The following MYO3A variants were observed in gnomAD, a reference collection of about 807,000 sequenced individuals.
The protein encoded by MYO3A is myosin IIIA.
Under a neutral mutation model 192.7 loss-of-function variants are expected in MYO3A, and 180 were observed. The ratio of observed to expected loss-of-function variants is 0.93; its 90% CI spans 0.83 to 1.06. The LOEUF is 1.06. Among genes scored for constraint, MYO3A ranks in the 50% least tolerant of loss-of-function variants. The pLI is 0.00. For missense variants in MYO3A, 1,896 were observed against 1,905.0 expected (o/e 1.00, Z 0.09); for synonymous variants, 628 against 645.3 (o/e 0.97, Z 0.41).
chr10:26,171,511 G>C (rs766072708), intron 29 of MYO3A, among the ~76,000 whole-genome samples: 2 of 152,240 alleles, frequency 1.3e-5, no homozygotes, highest in Middle Eastern at 6.8e-3. Flanking sequence ...CACATTCCCT[G>C]AATCCCTCAG....
At chr10:26,124,108 G>C (rs558104181) in intron 18 of MYO3A, among the ~76,000 whole-genome samples, 31 of 148,852 alleles carry the variant, frequency 2.1e-4, no homozygotes, top group African/African-American at 7.7e-4. Context: ...AGGATCTCTT[G>C]AGCCCAGGAG....
chr10:26,022,739 G>A (rs1042828038), intron 8 of MYO3A: 1 of 151,998 alleles, frequency 6.6e-6, no homozygotes, highest in African/African-American at 2.4e-5. Flanking sequence ...TGCCTTAGCT[G>A]TTTTAACTGT....
chr10:26,047,275 T>C (rs1349334946), intron 10 of MYO3A, among the ~76,000 whole-genome samples: 1 of 151,982 alleles, frequency 6.6e-6, no homozygotes, highest in Non-Finnish European at 1.5e-5. Context: ...TACTGAAAAA[T>C]TCTGAGTATA....
At position 26,174,374 on chromosome 10, in the gene MYO3A, G is replaced by T. The variant is rs569109177; in HGVS notation, c.4110G>T (p.Lys1370Asn). The part of the protein sequence containing the change: ...YKRRQQLRKD[K>N]MSSFKHQRIV... ...GAAGGCAGCAGTTGAGGAAGGACAA[G>T]ATGTCTTCTTTTAAGCATCAGAGGA... is the stretch of plus-strand genomic sequence containing the variant. Residue 1370 changes from lysine to asparagine, a missense_variant, in exon 30 of 35, where the codon AAG becomes AAT. By Grantham distance (94) the Lys-to-Asn change is moderately conservative. Transcript: ENST00000642920. 6.2e-7 allele frequency: 1 copy of T among 1,614,170 alleles called. No homozygotes were observed. The highest frequency in any genetic ancestry group is 1.6e-4 in the Middle Eastern group (1 of 6,062).
In MYO3A at chr10:26,062,479, T is replaced by G. The variant is rs575628465; in HGVS notation, c.954-4496T>G. Among the ~76,000 whole-genome samples, 192 of 111,290 alleles carry G rather than the reference T, an allele frequency of 1.7e-3. 1 individual carries two copies. Among genetic ancestry groups the G allele is most frequent in the African/African-American group, 5.9e-3 (181 of 30,602 alleles). The allele number at this position is 111,290 out of a possible 152,430, so 73.0% of individuals were successfully genotyped here. On this transcript the variant is annotated intron_variant, in intron 10 of 34. Transcript: ENST00000642920. ...TTGCAGTGAGCCGAGATCACACCAC[T>G]GCACTCTGGCCTGGCGACAGAGTGA...
chr10:26,202,654 G>A lies in MYO3A; in HGVS notation c.4587-310G>A, dbSNP rs1263727591. The A allele has an allele frequency of 8.5e-6, 3 of 354,876 alleles. No individual in the cohort carries two copies. In the East Asian group the frequency reaches 2.1e-4, roughly 25 times the overall value. 22.0% of individuals were successfully genotyped at this position (354,876 alleles called of 1,614,324 possible). A position where few individuals can be genotyped will look rare whatever the true frequency, so the allele number is the denominator to read the frequency against. On this transcript the variant is annotated intron_variant, in intron 33 of 34. Coordinates refer to ENST00000642920, the MANE Select transcript of MYO3A (RefSeq NM_017433.5). ...TCAGTAGTGACTGCTGATCTGGACT[G>A]GCCAAACTGAAACACTGCAATCACT...
chr10:26,079,123 A>G (rs1210236129), intron 14 of MYO3A, among the ~76,000 whole-genome samples: 1 of 152,138 alleles, frequency 6.6e-6, no homozygotes, highest in Admixed American at 6.5e-5. Flanking sequence ...GAAGTCTCCC[A>G]CTATAATTGT....
intron 32 of MYO3A, among the ~76,000 whole-genome samples, chr10:26,199,839 G>T (rs1158102845): frequency 6.6e-6 from 1 of 152,128 alleles, no homozygotes; most frequent in Non-Finnish European, 1.5e-5. Flanking sequence ...ATAGGCAATT[G>T]TTACCCAGAA....
chr10:26,099,791 T>A (rs1414222713), intron 17 of MYO3A, among the ~76,000 whole-genome samples: 2 of 152,224 alleles, frequency 1.3e-5, no homozygotes, highest in Non-Finnish European at 2.9e-5. Flanking sequence ...AGCTTTTTGA[T>A]GTGCTGCTGG....
intron 27 of MYO3A, among the ~76,000 whole-genome samples, chr10:26,167,990 G>A (rs1024356456): frequency 3.3e-5 from 5 of 152,220 alleles, no homozygotes; most frequent in Non-Finnish European, 7.3e-5. Context: ...TTCCTTGGAG[G>A]AGGGGAGAGA....
At chr10:25,990,997 G>A (rs1285816463) in intron 4 of MYO3A, among the ~76,000 whole-genome samples, 1 of 152,164 alleles carries the variant, frequency 6.6e-6, no homozygotes, top group Non-Finnish European at 1.5e-5. Context: ...CTTTATAGCA[G>A]CATGATTTAC....
At chr10:26,123,433 T>C (rs1838995349) in intron 18 of MYO3A, among the ~76,000 whole-genome samples, 2 of 152,070 alleles carry the variant, frequency 1.3e-5, no homozygotes, top group African/African-American at 2.4e-5. Context: ...CCAATAAAAA[T>C]ATGGAAGAAA....
chr10:25,962,154 G>A (rs1426195840), intron 4 of MYO3A, among the ~76,000 whole-genome samples: 5 of 152,126 alleles, frequency 3.3e-5, no homozygotes, highest in Non-Finnish European at 5.9e-5. Flanking sequence ...GAATAATGAT[G>A]TGCCAGATCT....
rs148719634 is a variant in MYO3A, at chr10:26,001,586, GTAGGGCACCTAGCGGC to G, written c.508+4333_508+4348del. 2.7e-3 allele frequency among the ~76,000 whole-genome samples: 411 copies of G among 152,320 alleles called. 1 individual carries two copies. Among genetic ancestry groups the G allele is most frequent in the African/African-American group, 9.6e-3 (401 of 41,578 alleles). ...AGGCAGACTACGGCCTGGGAGCCCAGTAGGGCACCTAGCGGCTAGGCAGACAAAAGCATATGGCCCC... is the reference window on the plus strand; with the variant it reads ...AGGCAGACTACGGCCTGGGAGCCCAGTAGGCAGACAAAAGCATATGGCCCC... On this transcript the variant is annotated intron_variant, in intron 6 of 34. Transcript: ENST00000642920.
At chr10:26,060,151 T>C (rs948953499) in intron 10 of MYO3A, among the ~76,000 whole-genome samples, 7 of 151,726 alleles carry the variant, frequency 4.6e-5, no homozygotes, top group African/African-American at 1.7e-4. Context: ...CCCAGCTACT[T>C]GGGAGGCTGA....
At chr10:26,146,249 A>T (rs1840459498) in intron 22 of MYO3A, among the ~76,000 whole-genome samples, 1 of 152,206 alleles carries the variant, frequency 6.6e-6, no homozygotes, top group South Asian at 2.1e-4. Context: ...CAATGATGTC[A>T]TAAATATGGG....
intron 19 of MYO3A, 74 bp downstream of exon 19, chr10:26,125,682 G>A: frequency 8.1e-7 from 1 of 1,236,282 alleles, no homozygotes; most frequent in Non-Finnish European, 1.2e-6. Flanking sequence ...TGATTGTTTT[G>A]TATAGATCTC....
intron 34 of MYO3A, among the ~76,000 whole-genome samples, chr10:26,207,364 GC>G (rs1033530397): frequency 2.6e-5 from 4 of 152,006 alleles, no homozygotes; most frequent in Non-Finnish European, 4.4e-5. Flanking sequence ...ACATGAGCTA[GC>G]CCCTGTATTT....
chr10:25,953,875 T>C (rs1157513280), intron 3 of MYO3A, among the ~76,000 whole-genome samples: 4 of 152,092 alleles, frequency 2.6e-5, no homozygotes, highest in Admixed American at 6.6e-5. Context: ...ATGTCACAAG[T>C]CAAATAAAAA....
Sources: gnomAD v4.1 joint callset for allele counts (sites outside exome capture counted in the v4.1 genomes callset) on GRCh38, gnomAD v4.1.1 for gene constraint, MANE v1.5 for transcripts, NCBI Gene and HGNC (gene_info 2026-07-23, HGNC 2026-07-21) for gene names.